SLC6A11: variants seen among roughly 807,000 people sequenced by gnomAD.
The protein encoded by SLC6A11 is solute carrier family 6 member 11.
SLC6A11 carries 25 observed loss-of-function variants against 74.8 expected under a neutral mutation model. The observed-to-expected ratio is 0.33, with a 90% CI of 0.24 to 0.47. The LOEUF (loss-of-function observed/expected upper bound fraction) is 0.47. SLC6A11 is among the 20% of genes least tolerant of loss of function. The probability of loss-of-function intolerance (pLI) is 1.00; values close to 1 mark genes in which losing one functional copy is unlikely to be tolerated. For synonymous variants in SLC6A11, 330 were observed against 330.2 expected (o/e 1.00, Z 0.01); for missense variants, 574 against 837.0 (o/e 0.69, Z 3.88).
At chr3:10,831,911 T>C (rs1694303795) in intron 4 of SLC6A11, among the ~76,000 whole-genome samples, 1 of 152,206 alleles carries the variant, frequency 6.6e-6, no homozygotes, top group Non-Finnish European at 1.5e-5. Context: ...GCTTTCTGAA[T>C]GGTTCATCAT....
chr3:10,890,089 C>T (rs927330253), intron 6 of SLC6A11, among the ~76,000 whole-genome samples: 2 of 151,888 alleles, frequency 1.3e-5, no homozygotes, highest in African/African-American at 4.9e-5. Flanking sequence ...TTCCCATGCT[C>T]GATGCCCATC....
intron 6 of SLC6A11, among the ~76,000 whole-genome samples, chr3:10,893,319 C>G (rs181435182): frequency 1.4e-3 from 210 of 152,322 alleles, no homozygotes; most frequent in African/African-American, 4.8e-3. Flanking sequence ...GCTCCCCTTT[C>G]TCTCTTGACT....
chr3:10,887,094 C>T lies in SLC6A11; in HGVS notation c.891+11999C>T, dbSNP rs531301889. Among the ~76,000 whole-genome samples, 10 of 150,732 alleles carry T rather than the reference C, an allele frequency of 6.6e-5. No individual in the cohort carries two copies. In the South Asian group the frequency reaches 1.5e-3, roughly 22 times the overall value. On this transcript the variant is annotated intron_variant, in intron 6 of 13. Transcript: ENST00000254488. ...ATGGATGGATGGATGGGCAGACAGA[C>T]GGATGGATGGATGGATGGATGGATG...
rs1024352459 is a variant in SLC6A11 at position 10,938,475 on chromosome 3, A to G, written c.*73A>G. On this transcript the variant is annotated 3_prime_UTR_variant, in exon 14 of 14. Coordinates refer to ENST00000254488, the MANE Select transcript of SLC6A11 (RefSeq NM_014229.3). ...ATGTAAATGAATTCCTGAACCCCAT[A>G]CTTCACCTAATGGTAGGGGCTTGCT... 2.1e-6 allele frequency: 3 copies of G among 1,448,458 alleles called. No homozygotes were observed. In the African/African-American group the frequency reaches 4.2e-5, roughly 20 times the overall value. The allele number at this position is 1,448,458 out of a possible 1,614,324, so 89.7% of individuals were successfully genotyped here. A position where few individuals can be genotyped will look rare whatever the true frequency, so the allele number is the denominator to read the frequency against.
At position 10,844,366 on chromosome 3, in the gene SLC6A11, G is replaced by A. The variant is rs764050887; in HGVS notation, c.756+20G>A. ...GGAAAGGTAAGAGGTCGATCTTCAA[G>A]CAGCTAACCGTGGCAGGGGAAGGCA... On this transcript the variant is annotated intron_variant, in intron 5 of 13. Coordinates refer to ENST00000254488, the MANE Select transcript of SLC6A11 (RefSeq NM_014229.3). The A allele has an allele frequency of 3.2e-5, 51 of 1,613,976 alleles. No homozygotes were observed. The highest frequency in any genetic ancestry group is 4.1e-5 in the Non-Finnish European group (48 of 1,179,970).
At chr3:10,849,532 T>G (rs1694545843) in intron 5 of SLC6A11, among the ~76,000 whole-genome samples, 1 of 152,212 alleles carries the variant, frequency 6.6e-6, no homozygotes, top group Admixed American at 6.5e-5. Context: ...CTCTCCATTT[T>G]TGTTTCCCAC....
rs1695103700 is a variant in SLC6A11, at chr3:10,891,173, C to T, written c.891+16078C>T. On this transcript the variant is annotated intron_variant, in intron 6 of 13. Transcript: ENST00000254488. ...CTATGGGTTGCTAGGTCTATTCCTC[C>T]TCCTCCTCAACTTCAGTTTTGACTT... is the stretch of plus-strand genomic sequence containing the variant. Among the ~76,000 whole-genome samples, 3 of 152,186 alleles carry T rather than the reference C, an allele frequency of 2.0e-5. No individual in the cohort carries two copies. In the South Asian group the frequency reaches 6.2e-4, roughly 31 times the overall value.
rs1261005127 is a variant in SLC6A11 at position 10,816,962 on chromosome 3, C to A, written c.256+441C>A. On this transcript the variant is annotated intron_variant, in intron 1 of 13. Coordinates refer to ENST00000254488, the MANE Select transcript of SLC6A11 (RefSeq NM_014229.3). This position sits in a 1 kb window ranked among gnomAD's most constrained non-coding sequence, Gnocchi z 4.2. Reference sequence around the variant, plus strand: ...AAGTGCCGAGCACCTTTGACCATATCATCTCATCTCATCCTCTCAGTCACT... The same window carrying A: ...AAGTGCCGAGCACCTTTGACCATATAATCTCATCTCATCCTCTCAGTCACT... Among the ~76,000 whole-genome samples the A allele has an allele frequency of 6.6e-6, 1 of 152,226 alleles. No individual in the cohort carries two copies. The highest frequency in any genetic ancestry group is 1.5e-5 in the Non-Finnish European group (1 of 68,042).
At chr3:10,914,647 A>G (rs887884235) in intron 7 of SLC6A11, among the ~76,000 whole-genome samples, 1 of 152,276 alleles carries the variant, frequency 6.6e-6, no homozygotes, top group South Asian at 2.1e-4. Context: ...AGAAGAAGGC[A>G]TCTAGTTTTG....
At chr3:10,923,705 A>AT (rs1695565254) in intron 8 of SLC6A11, among the ~76,000 whole-genome samples, 1 of 152,170 alleles carries the variant, frequency 6.6e-6, no homozygotes, top group South Asian at 2.1e-4. Context: ...TAGAAACAGG[A>AT]TTTTTTCATA....
At position 10,926,422 on chromosome 3, in the gene SLC6A11, A is replaced by T. The variant is rs1307315086; in HGVS notation, c.1233+306A>T. On this transcript the variant is annotated intron_variant, in intron 9 of 13. Transcript: ENST00000254488. The surrounding 1 kb of genome is among the most constrained non-coding windows in gnomAD (Gnocchi z 5.7). The stretch of plus-strand genomic sequence containing the variant: ...ATTCACATTTAGAAAAATTTGCTAA[A>T]TACTTCCCTTCTGCTCAACCACTCC... Among the ~76,000 whole-genome samples the T allele has an allele frequency of 6.6e-6, 1 of 152,192 alleles. No homozygotes were observed. The highest frequency in any genetic ancestry group is 1.5e-5 in the Non-Finnish European group (1 of 68,038).
At chr3:10,920,044 G>A (rs530400989) in intron 8 of SLC6A11, among the ~76,000 whole-genome samples, 9 of 152,256 alleles carry the variant, frequency 5.9e-5, no homozygotes, top group African/African-American at 2.2e-4. Context: ...AGGGATCATT[G>A]CCTTCTCAGT....
intron 4 of SLC6A11, chr3:10,823,631 G>T (rs1694166299): frequency 2.1e-6 from 1 of 472,002 alleles, no homozygotes; most frequent in African/African-American, 1.9e-5. Flanking sequence ...TGCATAGTGG[G>T]TTATTAGGGC....
intron 4 of SLC6A11, chr3:10,824,147 A>T (rs1448218409): frequency 6.6e-6 from 1 of 152,278 alleles, no homozygotes; most frequent in African/African-American, 2.4e-5. Flanking sequence ...AATTTACATT[A>T]TGAAATATAC....
chr3:10,858,023 A>G (rs1373252211), intron 5 of SLC6A11, among the ~76,000 whole-genome samples: 1 of 152,192 alleles, frequency 6.6e-6, no homozygotes, highest in Non-Finnish European at 1.5e-5. Flanking sequence ...TATTGTCTAT[A>G]CTTTTTCTCC....
chr3:10,825,669 GT>G (rs1057357442), intron 4 of SLC6A11, among the ~76,000 whole-genome samples: 2 of 151,810 alleles, frequency 1.3e-5, no homozygotes, highest in East Asian at 1.9e-4. Context: ...GAGTTTTACA[GT>G]TTTTTTTCAT....
chr3:10,845,207 TAA>T (rs1694488102), intron 5 of SLC6A11, among the ~76,000 whole-genome samples: 1 of 152,168 alleles, frequency 6.6e-6, no homozygotes, highest in African/African-American at 2.4e-5. Context: ...CCTTGGAAAG[TAA>T]GATTTGGCAA....
chr3:10,842,899 G>A (rs1004926976), intron 4 of SLC6A11, among the ~76,000 whole-genome samples: 1 of 152,138 alleles, frequency 6.6e-6, no homozygotes, highest in Non-Finnish European at 1.5e-5. Flanking sequence ...GTGCTAATTG[G>A]TGTCATTGAG....
Position 10,918,384 on chromosome 3 carries a change from G to A in SLC6A11, c.1051G>A (p.Ala351Thr). 1 of 1,609,292 alleles carries A rather than the reference G, an allele frequency of 6.2e-7. No individual in the cohort carries two copies. Among genetic ancestry groups the A allele is most frequent in the Admixed American group, 1.7e-5 (1 of 59,102 alleles). Residue 351 changes from alanine (A) to threonine (T), a missense_variant, in exon 8 of 14, where the codon GCC (alanine) becomes ACC (threonine). Ala to Thr is a moderately conservative substitution (Grantham distance 58, BLOSUM62 0). This residue lies in a region of SLC6A11 where 16 missense variants were observed against 50.1 expected (regional missense o/e 0.32). Transcript: ENST00000254488. This position sits in a 1 kb window ranked among gnomAD's most constrained non-coding sequence, Gnocchi z 4.5. ...NSGTSFVAGF[A>T]IFSVLGFMAY... ...CGGCACCAGCTTCGTGGCTGGGTTTGCCATCTTCTCAGTCCTGGGTTTTAT... is the reference window on the plus strand; with the variant it reads ...CGGCACCAGCTTCGTGGCTGGGTTTACCATCTTCTCAGTCCTGGGTTTTAT...
Sources: allele counts gnomAD v4.1 joint callset (sites outside exome capture counted in the v4.1 genomes callset), GRCh38; gene constraint gnomAD v4.1.1; regional missense constraint gnomAD v4.1.1; non-coding constraint Gnocchi (gnomAD v3.1); transcripts MANE v1.5; gene names NCBI Gene and HGNC (gene_info 2026-07-23, HGNC 2026-07-21).